OSBPL2: variants seen among roughly 807,000 people sequenced by gnomAD.
OSBPL2 encodes the protein oxysterol binding protein like 2, also known as oxysterol-binding protein-related protein 2.
A neutral mutation model predicts 58.4 loss-of-function variants in OSBPL2; 18 were observed. That is an observed-to-expected ratio of 0.31 (90% confidence interval 0.21 to 0.46). The LOEUF (loss-of-function observed/expected upper bound fraction) is 0.46, where lower values mean the gene tolerates loss of function less well. OSBPL2 is among the 20% of genes least tolerant of loss of function. OSBPL2 has a pLI of 1.00. For synonymous variants in OSBPL2, 221 were observed against 234.1 expected (o/e 0.94, Z 0.51); for missense variants, 461 against 616.5 (o/e 0.75, Z 2.67).
intron 3 of OSBPL2, 49 bp from the exon 4 acceptor site, chr20:62,263,567 A>G (rs1981456011): frequency 4.3e-6 from 6 of 1,404,496 alleles, no homozygotes; most frequent in Non-Finnish European, 6.1e-6. Context: ...TTGAGTGGTC[A>G]GAGTCCTGTG....
intron 13 of OSBPL2, 98 bp from the exon 14 acceptor site, chr20:62,293,686 TG>T: frequency 1.0e-6 from 1 of 981,626 alleles, no homozygotes; most frequent in Non-Finnish European, 1.5e-6. Flanking sequence ...GTTACCGTGA[TG>T]GTGCTGAGTT....
chr20:62,290,899 G>A (rs1179799838), intron 12 of OSBPL2, among the ~76,000 whole-genome samples: 2 of 151,184 alleles, frequency 1.3e-5, no homozygotes, highest in African/African-American at 2.4e-5. Context: ...CACCACACCC[G>A]GCCAATTTTT....
chr20:62,295,065 GCCTCAGCCT>G lies in OSBPL2; in HGVS notation c.*1181_*1189del, dbSNP rs1983783284. Reference sequence around the variant, plus strand: ...CCTCCCGGGTTCAAGCGATTCTCCTGCCTCAGCCTCCCAAGTAGCTGGGATTACAGGCAC... The same window carrying G: ...CCTCCCGGGTTCAAGCGATTCTCCTGCCCAAGTAGCTGGGATTACAGGCAC... On this transcript the variant is annotated 3_prime_UTR_variant, in exon 14 of 14. Transcript: ENST00000313733. This position sits in a 1 kb window ranked among gnomAD's most constrained non-coding sequence, Gnocchi z 4.8. The G allele has an allele frequency of 6.7e-6, 1 of 150,000 alleles. No individual in the cohort carries two copies. Among genetic ancestry groups the G allele is most frequent in the Non-Finnish European group, 1.5e-5 (1 of 67,930 alleles). The allele number at this position is 150,000 out of a possible 1,614,324, so 9.3% of individuals were successfully genotyped here. A position where few individuals can be genotyped will look rare whatever the true frequency, so the allele number is the denominator to read the frequency against.
chr20:62,272,596 G>T (rs1300396678), intron 5 of OSBPL2, among the ~76,000 whole-genome samples: 1 of 152,226 alleles, frequency 6.6e-6, no homozygotes, highest in Non-Finnish European at 1.5e-5. Flanking sequence ...CCATGTGTGT[G>T]CATGTGTGTG....
Position 62,289,302 on chromosome 20 carries a change from C to T in OSBPL2, c.1221C>T (p.Asp407=), listed in dbSNP as rs770003958. Residue 407 remains aspartate (D), a synonymous_variant, in exon 12 of 14, where the codon GAC becomes GAT. Transcript: ENST00000313733. ...LPPTDCRLRP[D]IRGMENGNMD... is the part of the protein sequence containing the mutation. ...CCACGGACTGCCGCCTGCGCCCTGA[C>T]ATCCGCGGCATGGAGAATGGCAACA... 6 of 1,613,008 alleles carry T rather than the reference C, an allele frequency of 3.7e-6. No individual in the cohort carries two copies. The highest frequency in any genetic ancestry group is 3.3e-5 in the Admixed American group (2 of 59,888).
intron 1 of OSBPL2, among the ~76,000 whole-genome samples, chr20:62,244,447 G>T (rs952204952): frequency 6.6e-6 from 1 of 152,230 alleles, no homozygotes; most frequent in Non-Finnish European, 1.5e-5. Context: ...CTTTCTGAGA[G>T]CAGGGCGCCC....
intron 4 of OSBPL2, chr20:62,264,493 C>G (rs1435813102): frequency 2.6e-5 from 4 of 152,234 alleles, no homozygotes; most frequent in African/African-American, 9.7e-5. Context: ...ACTCACATGG[C>G]CTGGGAATAC....
At chr20:62,241,090 T>C (rs1317761548) in intron 1 of OSBPL2, among the ~76,000 whole-genome samples, 4 of 152,178 alleles carry the variant, frequency 2.6e-5, no homozygotes, top group Admixed American at 1.3e-4. Flanking sequence ...AGGTGCTGTT[T>C]GAATGTGAAA....
At chr20:62,260,302 A>G (rs1280562163) in intron 3 of OSBPL2, among the ~76,000 whole-genome samples, 177 bp downstream of exon 3, 2 of 152,148 alleles carry the variant, frequency 1.3e-5, no homozygotes, top group Admixed American at 1.3e-4. Flanking sequence ...GAGAGACTCC[A>G]TGCCTCTCTT....
At chr20:62,277,485 C>A (rs1982461713) in intron 6 of OSBPL2, among the ~76,000 whole-genome samples, 1 of 152,198 alleles carries the variant, frequency 6.6e-6, no homozygotes, top group Non-Finnish European at 1.5e-5. Flanking sequence ...AGTTCACTTC[C>A]AGATCGTCCT....
chr20:62,256,232 A>C lies in OSBPL2; in HGVS notation c.37+11A>C, dbSNP rs1412511249. On this transcript the variant is annotated intron_variant, in intron 2 of 13. Transcript: ENST00000313733. ...TTGATGCCGTCACAGGTGAGTCAAA[A>C]GAGAACCAACTGGGGACGTACTGGA... 1 of 1,613,026 alleles carries C rather than the reference A, an allele frequency of 6.2e-7. No individual in the cohort carries two copies. Among genetic ancestry groups the C allele is most frequent in the Non-Finnish European group, 8.5e-7 (1 of 1,179,274 alleles).
At chr20:62,251,311 C>T (rs985758052) in intron 1 of OSBPL2, among the ~76,000 whole-genome samples, 7 of 151,262 alleles carry the variant, frequency 4.6e-5, no homozygotes, top group South Asian at 2.1e-4. Flanking sequence ...GCCTTGGCCT[C>T]GCAAAGTGCT....
intron 1 of OSBPL2, among the ~76,000 whole-genome samples, 167 bp downstream of exon 1, chr20:62,238,764 C>T (rs995412857): frequency 6.6e-6 from 1 of 151,418 alleles, no homozygotes; most frequent in Non-Finnish European, 1.5e-5. Context: ...GCCTCGACCC[C>T]CACTGGGAGG....
In OSBPL2 at chr20:62,269,149, G is replaced by A. The variant is rs1348922007; in HGVS notation, c.259-2976G>A. Among the ~76,000 whole-genome samples, 4 of 152,080 alleles carry A rather than the reference G, an allele frequency of 2.6e-5. No individual in the cohort carries two copies. The highest frequency in any genetic ancestry group is 4.1e-4 in the South Asian group (2 of 4,824). On this transcript the variant is annotated intron_variant, in intron 4 of 13. Transcript: ENST00000313733. This position sits in a 1 kb window ranked among gnomAD's most constrained non-coding sequence, Gnocchi z 4.2. ...CTCCTGGCCTTAAGTGATCCTCCCC[G>A]CCTTGGCCCTGCAAAGTGTTGGAAT...
chr20:62,243,227 G>A (rs933813057), intron 1 of OSBPL2, among the ~76,000 whole-genome samples: 41 of 152,352 alleles, frequency 2.7e-4, no homozygotes, highest in African/African-American at 9.9e-4. Context: ...GCGAGCTCCT[G>A]CGAGTGCCCT....
Position 62,279,643 on chromosome 20 carries a change from C to T in OSBPL2, c.674+304C>T, listed in dbSNP as rs748943729. 2.1e-4 allele frequency: 95 copies of T among 443,210 alleles called. 1 individual carries two copies. Among genetic ancestry groups the T allele is most frequent in the African/African-American group, 9.9e-5 (5 of 50,706 alleles). 27.5% of individuals were successfully genotyped at this position (443,210 alleles called of 1,614,324 possible). A position where few individuals can be genotyped will look rare whatever the true frequency, so the allele number is the denominator to read the frequency against. On this transcript the variant is annotated intron_variant, in intron 7 of 13. Transcript: ENST00000313733. ...TGCAGTTGGAACTCACCCCGCTTTC[C>T]GGCATCATTCATTGTATTTCTTGTC... is the stretch of plus-strand genomic sequence containing the variant.
intron 9 of OSBPL2, among the ~76,000 whole-genome samples, chr20:62,282,340 C>T (rs760852856): frequency 1.8e-4 from 28 of 152,156 alleles, no homozygotes; most frequent in Non-Finnish European, 3.2e-4. Context: ...CAGGGACTTT[C>T]GCAAGTTTTT....
chr20:62,241,924 G>A (rs1466324297), intron 1 of OSBPL2, among the ~76,000 whole-genome samples: 5 of 152,296 alleles, frequency 3.3e-5, no homozygotes, highest in East Asian at 1.9e-4. Context: ...TGTCAGGTAC[G>A]AGGTTTAATT....
chr20:62,247,754 C>T (rs1297685381), intron 1 of OSBPL2, among the ~76,000 whole-genome samples: 1 of 151,370 alleles, frequency 6.6e-6, no homozygotes, highest in African/African-American at 2.4e-5. Flanking sequence ...GCAATCTCCT[C>T]CTCAGGTTCA....
Sources: allele counts gnomAD v4.1 joint callset (sites outside exome capture counted in the v4.1 genomes callset), GRCh38; gene constraint gnomAD v4.1.1; non-coding constraint Gnocchi (gnomAD v3.1); transcripts MANE v1.5; gene names NCBI Gene and HGNC (gene_info 2026-07-23, HGNC 2026-07-21).